Variants in LINGO2 observed in about 807,000 individuals in gnomAD.
LINGO2 encodes leucine-rich repeat and immunoglobulin-like domain-containing nogo receptor-interacting protein 2.
LINGO2 carries 14 observed loss-of-function variants against 30.6 expected under a neutral mutation model. The observed-to-expected ratio is 0.46, with a 90% CI of 0.30 to 0.72. LINGO2 has a LOEUF of 0.72. Among genes scored for constraint, LINGO2 ranks in the 30% least tolerant of loss-of-function variants. LINGO2 has a pLI of 0.07. For synonymous variants in LINGO2, 317 were observed against 288.5 expected (o/e 1.10, Z -1.00); for missense variants, 729 against 751.7 (o/e 0.97, Z 0.35).
intron 2 of LINGO2, among the ~76,000 whole-genome samples, chr9:28,415,236 A>T (rs749105054): frequency 5.3e-5 from 8 of 152,130 alleles, no homozygotes; most frequent in Non-Finnish European, 8.8e-5. Flanking sequence ...AGTAGAATGG[A>T]TAGGAAACTA....
chr9:27,947,328 T>C (rs937353933), downstream of LINGO2, among the ~76,000 whole-genome samples: 1 of 152,144 alleles, frequency 6.6e-6, no homozygotes, highest in African/African-American at 2.4e-5. Context: ...TGTTTAACTT[T>C]GAGTAACAGT....
intron 1 of LINGO2, among the ~76,000 whole-genome samples, chr9:28,663,132 G>C (rs746476986): frequency 3.3e-5 from 5 of 152,090 alleles, no homozygotes; most frequent in Admixed American, 1.3e-4. Context: ...CCGACAAGTA[G>C]ATGCTGCTGC....
At chr9:28,027,864 A>C (rs1823459870) in intron 4 of LINGO2, among the ~76,000 whole-genome samples, 1 of 152,124 alleles carries the variant, frequency 6.6e-6, no homozygotes, top group Admixed American at 6.6e-5. Context: ...TAGCTGCCAT[A>C]AATTTTTGCC....
chr9:28,800,363 C>T, the LINGO2 span, among the ~76,000 whole-genome samples: 6 of 152,090 alleles, frequency 3.9e-5, no homozygotes, highest in South Asian at 2.1e-4. Context: ...TTTATATTCC[C>T]GGTGTATTTT....
At chr9:29,032,375 T>C in the LINGO2 span, among the ~76,000 whole-genome samples, 1 of 152,122 alleles carries the variant, frequency 6.6e-6, no homozygotes, top group African/African-American at 2.4e-5. Flanking sequence ...AAAATGACAA[T>C]ACATACAGCA....
chr9:28,408,551 A>G (rs1342045156), intron 2 of LINGO2, among the ~76,000 whole-genome samples: 1 of 149,882 alleles, frequency 6.7e-6, no homozygotes, highest in Non-Finnish European at 1.5e-5. Flanking sequence ...GTTCTCACTC[A>G]TAGGTGGGAA....
the LINGO2 span, among the ~76,000 whole-genome samples, chr9:28,893,747 G>C: frequency 6.6e-6 from 1 of 150,998 alleles, no homozygotes; most frequent in Non-Finnish European, 1.5e-5. Flanking sequence ...TTAATGGTTT[G>C]ATTTTTTTTA....
intron 4 of LINGO2, among the ~76,000 whole-genome samples, chr9:28,106,776 C>T (rs929067742): frequency 2.0e-5 from 3 of 152,176 alleles, no homozygotes; most frequent in African/African-American, 7.2e-5. Context: ...GTTACTTTAT[C>T]TGTAAACTGG....
At chr9:27,976,031 G>A (rs1003004766) in intron 5 of LINGO2, among the ~76,000 whole-genome samples, 1 of 152,058 alleles carries the variant, frequency 6.6e-6, no homozygotes, top group Admixed American at 6.6e-5. Context: ...GAATCAGGCT[G>A]GTCCTAGCAC....
intron 3 of LINGO2, 21 bp from the exon 6 acceptor site, chr9:28,295,387 C>T (rs1823885659): frequency 6.6e-6 from 1 of 152,572 alleles, no homozygotes; most frequent in African/African-American, 2.4e-5. Flanking sequence ...CAAGATATTT[C>T]TCCATTTTAA....
the LINGO2 span, among the ~76,000 whole-genome samples, chr9:29,019,865 A>G: frequency 6.6e-6 from 1 of 152,200 alleles, no homozygotes; most frequent in Admixed American, 6.5e-5. Flanking sequence ...CTCTAGTACA[A>G]AGATCGAATC....
intron 5 of LINGO2, among the ~76,000 whole-genome samples, chr9:27,988,251 G>A (rs1013401399): frequency 3.3e-5 from 5 of 152,016 alleles, no homozygotes; most frequent in Non-Finnish European, 7.4e-5. Context: ...GTCTATCGTT[G>A]ATGGACATTT....
the LINGO2 span, chr9:27,941,460 C>CA: frequency 6.6e-6 from 1 of 152,108 alleles, no homozygotes; most frequent in African/African-American, 2.4e-5. Context: ...AGAAGAATAG[C>CA]AAAGGGACCT....
chr9:28,002,975 T>C (rs912681102), intron 5 of LINGO2, among the ~76,000 whole-genome samples: 4 of 152,180 alleles, frequency 2.6e-5, no homozygotes, highest in Admixed American at 6.5e-5. Context: ...CTCTTGAGTG[T>C]GAAGCTGCTG....
chr9:28,045,118 C>T (rs1056367962), intron 4 of LINGO2, among the ~76,000 whole-genome samples: 28 of 151,916 alleles, frequency 1.8e-4, no homozygotes, highest in Non-Finnish European at 3.8e-4. Flanking sequence ...TCCCCCCCAT[C>T]CTTATGATCC....
chr9:28,733,076 T>C, the LINGO2 span, among the ~76,000 whole-genome samples: 1 of 152,322 alleles, frequency 6.6e-6, no homozygotes, highest in South Asian at 2.1e-4. Flanking sequence ...CTGTTAATAG[T>C]ATACTTAAGA....
the LINGO2 span, among the ~76,000 whole-genome samples, chr9:28,822,762 G>A: frequency 6.6e-6 from 1 of 152,154 alleles, no homozygotes; most frequent in South Asian, 2.1e-4. Flanking sequence ...GGACCTTGAG[G>A]TTATGTGAAT....
At chr9:28,711,120 A>T in the LINGO2 span, among the ~76,000 whole-genome samples, 1 of 152,122 alleles carries the variant, frequency 6.6e-6, no homozygotes, top group Admixed American at 6.6e-5. Flanking sequence ...TAGGTATTTT[A>T]GGTAAAAAAA....
intron 1 of LINGO2, among the ~76,000 whole-genome samples, chr9:28,512,987 A>G (rs1820473152): frequency 6.6e-6 from 1 of 151,834 alleles, no homozygotes; most frequent in Non-Finnish European, 1.5e-5. Context: ...ACTGACTCAA[A>G]TGTTAATCTC....
Sources: gnomAD v4.1 joint callset for allele counts (sites outside exome capture counted in the v4.1 genomes callset) on GRCh38, gnomAD v4.1.1 for gene constraint, MANE v1.5 for transcripts, NCBI Gene and HGNC (gene_info 2026-07-23, HGNC 2026-07-21) for gene names.